The following FOXP1 variants were observed in gnomAD, a reference collection of about 807,000 sequenced individuals.
FOXP1 encodes forkhead box protein P1.
A neutral mutation model predicts 98.2 loss-of-function variants in FOXP1; 15 were observed. The ratio of observed to expected loss-of-function variants is 0.15; its 90% CI spans 0.10 to 0.24. FOXP1 has a LOEUF of 0.24. Ranked by LOEUF, FOXP1 falls within the 10% of genes least tolerant of loss-of-function variation. The pLI is 1.00. For missense variants in FOXP1, 633 were observed against 848.5 expected, an observed-to-expected ratio of 0.75 and a Z score of 3.15; for synonymous variants, 371 against 314.5, an observed-to-expected ratio of 1.18 and a Z score of -1.90.
intron 13 of FOXP1, among the ~76,000 whole-genome samples, chr3:70,993,044 A>T (rs908532758): frequency 1.3e-5 from 2 of 152,184 alleles, no homozygotes; most frequent in African/African-American, 4.8e-5. Flanking sequence ...TACATTACAG[A>T]TAATAAATTT....
At chr3:71,172,617 A>G (rs1477848795) in intron 6 of FOXP1, among the ~76,000 whole-genome samples, 1 of 152,212 alleles carries the variant, frequency 6.6e-6, no homozygotes, top group Non-Finnish European at 1.5e-5. Context: ...CCAGGACAGA[A>G]GGCAGGAGGG....
intron 11 of FOXP1, among the ~76,000 whole-genome samples, chr3:71,016,670 C>T (rs917306198): frequency 6.6e-6 from 1 of 151,442 alleles, no homozygotes; most frequent in African/African-American, 2.4e-5. Flanking sequence ...CACACACACA[C>T]ACACACACAC....
Position 71,108,616 on chromosome 3 carries a change from A to C in FOXP1, c.282+3920T>G, listed in dbSNP as rs180884366. On this transcript the variant is annotated intron_variant, in intron 7 of 20. Coordinates refer to ENST00000649528, the MANE Select transcript of FOXP1 (RefSeq NM_001349338.3). ...CCAAGTCTCTACTAAAATTACAAAA[A>C]TTATCTGGGCGTGGTGGTGCATGCC... 1.2e-3 allele frequency among the ~76,000 whole-genome samples: 184 copies of C among 152,260 alleles called. 1 individual carries two copies. The highest frequency in any genetic ancestry group is 4.4e-3 in the African/African-American group (182 of 41,562).
chr3:71,360,275 G>A lies in FOXP1; in HGVS notation c.-167-1031C>T, dbSNP rs143895831. Among the ~76,000 whole-genome samples the A allele has an allele frequency of 3.2e-3, 493 of 152,236 alleles. 4 individuals are homozygous for A. Among genetic ancestry groups the A allele is most frequent in the South Asian group, 0.019 (93 of 4,828 alleles). ...AGTAAGTACATACATGGACACAGGC[G>A]CCCTACTAGCGAAACATACAAGCTC... On this transcript the variant is annotated intron_variant, in intron 3 of 20. Coordinates refer to ENST00000649528, the MANE Select transcript of FOXP1 (RefSeq NM_001349338.3).
At chr3:71,472,025 C>T (rs2089406019) in intron 3 of FOXP1, among the ~76,000 whole-genome samples, 1 of 152,102 alleles carries the variant, frequency 6.6e-6, no homozygotes, top group Admixed American at 6.6e-5. Context: ...ATTACATTTA[C>T]ATTTTATTAT....
chr3:71,334,120 T>A (rs1220976664), intron 4 of FOXP1: 2 of 151,752 alleles, frequency 1.3e-5, no homozygotes, highest in East Asian at 3.9e-4. Context: ...AAAATAGGAA[T>A]CCCTGGGTCA....
chr3:71,410,378 A>T (rs1017394498), intron 3 of FOXP1, among the ~76,000 whole-genome samples: 1 of 152,156 alleles, frequency 6.6e-6, no homozygotes, highest in Non-Finnish European at 1.5e-5. Context: ...TAGTTGCAAC[A>T]TTTACAAATT....
rs537224826 is a variant in FOXP1, at chr3:71,503,800, T to C, written c.-297-10245A>G. On this transcript the variant is annotated intron_variant, in intron 2 of 20. Transcript: ENST00000649528. The stretch of plus-strand genomic sequence containing the variant: ...TGTACAGAACATACAGGCATCAGAG[T>C]ACAAACATACTAAGTAGCCTTGTTT... 9.9e-5 allele frequency among the ~76,000 whole-genome samples: 15 copies of C among 152,060 alleles called. No homozygotes were observed. The South Asian group carries it at 2.1e-3, about 21-fold the overall frequency.
chr3:71,153,256 C>A (rs1394680671), intron 6 of FOXP1, among the ~76,000 whole-genome samples: 3 of 152,158 alleles, frequency 2.0e-5, no homozygotes, highest in East Asian at 1.9e-4. Flanking sequence ...AGTGAATATA[C>A]CAGCAGGAAT....
At chr3:71,356,213 CAAAAA>C (rs3064928) in intron 4 of FOXP1, among the ~76,000 whole-genome samples, 4 of 75,364 alleles carry the variant, frequency 5.3e-5, no homozygotes, top group Admixed American at 1.5e-4. Context: ...CTGACTAAGT[CAAAAA>C]AAAAAAAAAA....
chr3:71,530,581 A>G (rs1281449650), intron 2 of FOXP1, among the ~76,000 whole-genome samples: 1 of 152,182 alleles, frequency 6.6e-6, no homozygotes, highest in Admixed American at 6.5e-5. Flanking sequence ...GAGTTTTTCT[A>G]TTGTTCACTC....
chr3:71,476,543 T>C (rs1457744609), intron 3 of FOXP1, among the ~76,000 whole-genome samples: 1 of 152,160 alleles, frequency 6.6e-6, no homozygotes, highest in African/African-American at 2.4e-5. Flanking sequence ...ATTTTGTTAT[T>C]GCAATGGCGC....
At chr3:71,278,575 G>T (rs1358062552) in intron 5 of FOXP1, among the ~76,000 whole-genome samples, 1 of 152,098 alleles carries the variant, frequency 6.6e-6, no homozygotes, top group East Asian at 1.9e-4. Flanking sequence ...AAGGTCAGGA[G>T]TTCAAGACCA....
Position 70,965,881 on chromosome 3 carries a change from A to G in FOXP1, c.1889+9T>C, listed in dbSNP as rs1350942809. The G allele has an allele frequency of 1.9e-6, 3 of 1,613,474 alleles. No homozygotes were observed. Among genetic ancestry groups the G allele is most frequent in the Non-Finnish European group, 2.5e-6 (3 of 1,179,956 alleles). ...GATAGCAAAGACCTGTTGGGTGGACAATACTCACACGGCTTGCATAGGAGA... is the reference window on the plus strand; with the variant it reads ...GATAGCAAAGACCTGTTGGGTGGACGATACTCACACGGCTTGCATAGGAGA... On this transcript the variant is annotated intron_variant, in intron 20 of 20. Transcript: ENST00000649528.
intron 2 of FOXP1, among the ~76,000 whole-genome samples, chr3:71,579,516 T>TA (rs1223979230): frequency 2.0e-5 from 3 of 151,912 alleles, no homozygotes; most frequent in Middle Eastern, 3.2e-3. Context: ...AATGTCAATC[T>TA]AAAAAAAGAG....
At chr3:71,399,936 T>A (rs2081835671) in intron 3 of FOXP1, among the ~76,000 whole-genome samples, 1 of 152,210 alleles carries the variant, frequency 6.6e-6, no homozygotes, top group African/African-American at 2.4e-5. Context: ...TCCACATCAA[T>A]CTGTGAATCC....
intron 11 of FOXP1, among the ~76,000 whole-genome samples, chr3:71,022,057 T>C (rs1300813730): frequency 6.6e-6 from 1 of 152,242 alleles, no homozygotes; most frequent in African/African-American, 2.4e-5. Context: ...GAGTTACTTC[T>C]AGCTTTGCTT....
chr3:71,291,255 T>C (rs776425334), intron 5 of FOXP1, among the ~76,000 whole-genome samples: 1 of 152,266 alleles, frequency 6.6e-6, no homozygotes, highest in Non-Finnish European at 1.5e-5. Context: ...ACTGTGACGC[T>C]TTTCAGAAGT....
At chr3:71,391,289 C>T (rs544003337) in intron 3 of FOXP1, among the ~76,000 whole-genome samples, 2 of 152,166 alleles carry the variant, frequency 1.3e-5, no homozygotes, top group Non-Finnish European at 2.9e-5. Context: ...CTACTTGCCC[C>T]CACTACAAAA....
Sources: gnomAD v4.1 joint callset for allele counts (sites outside exome capture counted in the v4.1 genomes callset) on GRCh38, gnomAD v4.1.1 for gene constraint, MANE v1.5 for transcripts, NCBI Gene and HGNC (gene_info 2026-07-23, HGNC 2026-07-21) for gene names.